TMCC1: variants seen among roughly 807,000 people sequenced by gnomAD.
TMCC1 encodes the protein transmembrane and coiled-coil domains protein 1.
Under a neutral mutation model 52.4 loss-of-function variants are expected in TMCC1, and 15 were observed. The observed-to-expected ratio is 0.29, with a 90% CI of 0.19 to 0.44. TMCC1 has a LOEUF of 0.44. Ranked by LOEUF, TMCC1 falls within the 20% of genes least tolerant of loss-of-function variation. The pLI is 1.00. For synonymous variants in TMCC1, 279 were observed against 301.9 expected, an observed-to-expected ratio of 0.92 and a Z score of 0.79; for missense variants, 503 against 806.0, an observed-to-expected ratio of 0.62 and a Z score of 4.55.
intron 4 of TMCC1, among the ~76,000 whole-genome samples, chr3:129,774,986 G>T (rs1393838790): frequency 6.6e-6 from 1 of 152,094 alleles, no homozygotes; most frequent in African/African-American, 2.4e-5. Context: ...ATTAGACAGG[G>T]GGGATAATAT....
chr3:129,692,995 A>T (rs1391093469), intron 4 of TMCC1, among the ~76,000 whole-genome samples: 1 of 152,110 alleles, frequency 6.6e-6, no homozygotes, highest in Non-Finnish European at 1.5e-5. Flanking sequence ...GGTGCACACC[A>T]CCATGCCCAG....
chr3:129,729,636 T>C (rs914162994), intron 4 of TMCC1, among the ~76,000 whole-genome samples: 1 of 151,792 alleles, frequency 6.6e-6, no homozygotes, highest in African/African-American at 2.4e-5. Context: ...ACCAGTCTAG[T>C]CAACACAGCA....
intron 2 of TMCC1, among the ~76,000 whole-genome samples, chr3:129,856,914 C>T (rs1023443712): frequency 1.3e-5 from 2 of 152,006 alleles, no homozygotes; most frequent in Non-Finnish European, 2.9e-5. Flanking sequence ...AACCAGCAAA[C>T]GAGACATGGG....
intron 4 of TMCC1, among the ~76,000 whole-genome samples, chr3:129,760,897 C>T (rs1034601094): frequency 2.0e-5 from 3 of 152,166 alleles, no homozygotes; most frequent in Non-Finnish European, 4.4e-5. Context: ...CAGGTGTGAG[C>T]CACTGCACCC....
intron 2 of TMCC1, among the ~76,000 whole-genome samples, chr3:129,859,788 A>C (rs1577116546): frequency 6.6e-6 from 1 of 152,278 alleles, no homozygotes; most frequent in East Asian, 1.9e-4. Context: ...CTAAAAAATA[A>C]ACATATCTAG....
intron 2 of TMCC1, among the ~76,000 whole-genome samples, chr3:129,872,199 G>C (rs955643403): frequency 3.9e-5 from 6 of 152,110 alleles, no homozygotes; most frequent in Admixed American, 6.6e-5. Flanking sequence ...TTCACATTTT[G>C]TTCAAGATAG....
chr3:129,651,872 C>G lies in TMCC1; in HGVS notation c.1648-77G>C, dbSNP rs1403661592. 2 of 1,453,622 alleles carry G rather than the reference C, an allele frequency of 1.4e-6. No homozygotes were observed. Among genetic ancestry groups the G allele is most frequent in the Non-Finnish European group, 1.8e-6 (2 of 1,082,736 alleles). The allele number at this position is 1,453,622 out of a possible 1,614,324, so 90.0% of individuals were successfully genotyped here. On this transcript the variant is annotated intron_variant, in intron 6 of 6. Coordinates refer to ENST00000393238, the MANE Select transcript of TMCC1 (RefSeq NM_001017395.5). This position sits in a 1 kb window ranked among gnomAD's most constrained non-coding sequence, Gnocchi z 5.1. ...GATGCTGACATGCCCCCTGGGCAAG[C>G]CAGATGCATCTTGAGCAATGCCAAT...
At chr3:129,811,031 G>A (rs2107794306) in intron 4 of TMCC1, among the ~76,000 whole-genome samples, 1 of 152,296 alleles carries the variant, frequency 6.6e-6, no homozygotes, top group South Asian at 2.1e-4. Flanking sequence ...CTTAACATAT[G>A]AGTTTTTTTA....
intron 4 of TMCC1, among the ~76,000 whole-genome samples, chr3:129,700,008 A>C (rs1576493463): frequency 6.6e-6 from 1 of 152,204 alleles, no homozygotes; most frequent in East Asian, 1.9e-4. Flanking sequence ...GTATTTTCAC[A>C]CTTCTCATCA....
At chr3:129,891,250 G>C (rs1223718682) in intron 1 of TMCC1, among the ~76,000 whole-genome samples, 1 of 152,094 alleles carries the variant, frequency 6.6e-6, no homozygotes, top group East Asian at 1.9e-4. Context: ...ATTCATATTA[G>C]GGGTCAGCAA....
In TMCC1 at chr3:129,822,691, G is replaced by C. The variant is rs779203374; in HGVS notation, c.576+5112C>G. 3.3e-5 allele frequency among the ~76,000 whole-genome samples: 5 copies of C among 152,260 alleles called. No homozygotes were observed. The South Asian group carries it at 6.2e-4, about 19-fold the overall frequency. ...CAAGAATGCTGAACACAAAACAAGAGGGAACCCAGGGATCTGGTCCTGGTA... is the reference window on the plus strand; with the variant it reads ...CAAGAATGCTGAACACAAAACAAGACGGAACCCAGGGATCTGGTCCTGGTA... On this transcript the variant is annotated intron_variant, in intron 4 of 6. Coordinates refer to ENST00000393238, the MANE Select transcript of TMCC1 (RefSeq NM_001017395.5).
chr3:129,676,841 T>C (rs975281261), intron 4 of TMCC1, among the ~76,000 whole-genome samples: 1 of 152,148 alleles, frequency 6.6e-6, no homozygotes, highest in Admixed American at 6.6e-5. Context: ...TTTGAAAAAA[T>C]GTTAAAGATG....
intron 4 of TMCC1, among the ~76,000 whole-genome samples, chr3:129,729,084 G>A (rs1032535462): frequency 2.0e-5 from 3 of 151,978 alleles, no homozygotes; most frequent in Non-Finnish European, 2.9e-5. Flanking sequence ...TAAATACCTA[G>A]GCATGGATTT....
chr3:129,813,201 A>G (rs932811653), intron 4 of TMCC1, among the ~76,000 whole-genome samples: 2 of 152,220 alleles, frequency 1.3e-5, no homozygotes, highest in Non-Finnish European at 2.9e-5. Flanking sequence ...GAACACTTAC[A>G]CACTGCCAGT....
At chr3:129,790,386 G>C (rs1278216105) in intron 4 of TMCC1, among the ~76,000 whole-genome samples, 1 of 152,122 alleles carries the variant, frequency 6.6e-6, no homozygotes, top group Non-Finnish European at 1.5e-5. Flanking sequence ...TAAGAAACTG[G>C]TTACCTACAG....
intron 4 of TMCC1, among the ~76,000 whole-genome samples, chr3:129,752,544 T>C (rs1237362150): frequency 3.3e-5 from 5 of 152,190 alleles, no homozygotes; most frequent in South Asian, 4.2e-4. Flanking sequence ...TGGGCACCTG[T>C]AATCCCAGCT....
At position 129,651,606 on chromosome 3, in the gene TMCC1, G is replaced by A; in HGVS notation, c.1837C>T (p.Pro613Ser). 1 of 1,614,210 alleles carries A rather than the reference G, an allele frequency of 6.2e-7. No homozygotes were observed. The highest frequency in any genetic ancestry group is 8.5e-7 in the Non-Finnish European group (1 of 1,180,046). ...FVSTVANCVVPLMKTRNRTFS... is the reference protein window; with the variant it reads ...FVSTVANCVVSLMKTRNRTFS... ...GTCCTGTTGCGAGTCTTCATGAGGGGGACCACACAGTTGGCTACAGTGGAG... is the reference window on the plus strand; with the variant it reads ...GTCCTGTTGCGAGTCTTCATGAGGGAGACCACACAGTTGGCTACAGTGGAG... Residue 613 changes from proline (P) to serine (S), a missense_variant, in exon 7 of 7, where the codon CCC (proline) becomes TCC (serine). Coordinates refer to ENST00000393238, the MANE Select transcript of TMCC1 (RefSeq NM_001017395.5). This position sits in a 1 kb window ranked among gnomAD's most constrained non-coding sequence, Gnocchi z 5.1.
chr3:129,746,327 C>T (rs1454344552), intron 4 of TMCC1, among the ~76,000 whole-genome samples: 4 of 141,840 alleles, frequency 2.8e-5, no homozygotes, highest in Admixed American at 2.2e-4. Context: ...TGCGCCACCA[C>T]GCCCAATTCA....
chr3:129,795,102 T>C (rs2056734221), intron 4 of TMCC1, among the ~76,000 whole-genome samples: 2 of 152,190 alleles, frequency 1.3e-5, no homozygotes, highest in African/African-American at 4.8e-5. Flanking sequence ...CAGAGAGGCA[T>C]ACTCCGACGG....
Sources: allele counts gnomAD v4.1 joint callset (sites outside exome capture counted in the v4.1 genomes callset), GRCh38; gene constraint gnomAD v4.1.1; non-coding constraint Gnocchi (gnomAD v3.1); transcripts MANE v1.5; gene names NCBI Gene and HGNC (gene_info 2026-07-23, HGNC 2026-07-21).